The following NCR1 variants were observed in gnomAD, a reference collection of about 807,000 sequenced individuals.
NCR1 encodes natural cytotoxicity triggering receptor 1.
A neutral mutation model predicts 32.5 loss-of-function variants in NCR1; 30 were observed. The observed-to-expected ratio is 0.92, with a 90% confidence interval of 0.69 to 1.25. The LOEUF (loss-of-function observed/expected upper bound fraction) is 1.25. Among genes scored for constraint, NCR1 ranks in the 50% most tolerant of loss-of-function variants. The probability of loss-of-function intolerance (pLI) is 0.00; values close to 1 mark genes in which losing one functional copy is unlikely to be tolerated. For missense variants in NCR1, 369 were observed against 380.7 expected (o/e 0.97, Z 0.26); for synonymous variants, 169 against 143.4 (o/e 1.18, Z -1.28).
chr19:54,927,911 G>A, the NCR1 span: 2 of 770,314 alleles, frequency 2.6e-6, no homozygotes, highest in Non-Finnish European at 4.6e-6. Context: ...TGCCAACACG[G>A]TCAAACCCCA....
intron 6 of NCR1, 136 bp from the exon 7 acceptor site, chr19:54,912,554 G>A (rs1034522316): frequency 1.5e-4 from 105 of 707,102 alleles, no homozygotes; most frequent in Non-Finnish European, 2.2e-4. Context: ...AGCCGAGATC[G>A]TGCCATTGCA....
At chr19:54,929,994 A>T in the NCR1 span, among the ~76,000 whole-genome samples, 1 of 151,430 alleles carries the variant, frequency 6.6e-6, no homozygotes, top group Non-Finnish European at 1.5e-5. Context: ...GGGCATCTGT[A>T]GTCCCAGCTA....
At chr19:54,899,460 C>T in the NCR1 span, among the ~76,000 whole-genome samples, 1 of 151,848 alleles carries the variant, frequency 6.6e-6, no homozygotes, top group Non-Finnish European at 1.5e-5. Flanking sequence ...GGGGTTCTTA[C>T]CTTCCAGAAA....
In NCR1 at chr19:54,909,339, A is replaced by G; in HGVS notation, c.450A>G (p.Thr150=). The change falls in exon 4 of 7, where the codon ACA becomes ACG. Residue 150 remains threonine, a synonymous_variant. Transcript: ENST00000291890. ...VTFYCRLDTA[T]SMFLLLKEGR... is the part of the protein sequence containing the mutation. ...TCTACTGCCGTCTAGACACTGCAAC[A>G]AGCATGTTCTTACTGCTCAAGGAGG... is the stretch of plus-strand genomic sequence containing the variant. 6.2e-7 allele frequency: 1 copy of G among 1,614,126 alleles called. No homozygotes were observed. The highest frequency in any genetic ancestry group is 8.5e-7 in the Non-Finnish European group (1 of 1,180,018).
At chr19:54,924,078 A>G in the NCR1 span, among the ~76,000 whole-genome samples, 8 of 152,194 alleles carry the variant, frequency 5.3e-5, no homozygotes, top group African/African-American at 1.9e-4. Context: ...AGCAATTCTC[A>G]TGCCTCAGGC....
the NCR1 span, among the ~76,000 whole-genome samples, chr19:54,931,902 C>T: frequency 2.0e-5 from 3 of 151,772 alleles, no homozygotes; most frequent in African/African-American, 7.3e-5. Flanking sequence ...CCAGCTCTGC[C>T]TGGGACAACA....
At chr19:54,901,832 G>T (rs1334673068), upstream of NCR1, among the ~76,000 whole-genome samples, 1 of 152,290 alleles carries the variant, frequency 6.6e-6, no homozygotes, top group East Asian at 1.9e-4. Flanking sequence ...GCTGGGCGTG[G>T]TTGTGGGTGC....
At chr19:54,934,749 G>T in the NCR1 span, 2 of 1,101,292 alleles carry the variant, frequency 1.8e-6, no homozygotes, top group Non-Finnish European at 2.6e-6. The surrounding 1 kb of genome is among the most constrained non-coding windows in gnomAD (Gnocchi z 6.7). Flanking sequence ...TCACTCTGTT[G>T]CCCAGTCTGG....
intron 5 of NCR1, 113 bp from the exon 6 acceptor site, chr19:54,912,055 G>A (rs1250474867): frequency 2.2e-6 from 2 of 901,504 alleles, no homozygotes; most frequent in East Asian, 2.4e-5. Context: ...GACCCGCAGG[G>A]TGAGGTGGGA....
At chr19:54,916,338 T>TTTTTTTTTTTTTTTTTTTTTTTG (rs1556721210), downstream of NCR1, among the ~76,000 whole-genome samples, 3 of 132,024 alleles carry the variant, frequency 2.3e-5, no homozygotes, top group Admixed American at 8.1e-5. Context: ...TTTTTTTTTT[T>TTTTTTTTTTTTTTTTTTTTTTTG]GAGACGAAGT....
chr19:54,921,119 A>G (rs763549136), downstream of NCR1, among the ~76,000 whole-genome samples: 1 of 152,172 alleles, frequency 6.6e-6, no homozygotes, highest in Non-Finnish European at 1.5e-5. Context: ...GCCTCTACCT[A>G]CTATCTTTGT....
downstream of NCR1, among the ~76,000 whole-genome samples, chr19:54,920,845 C>T (rs2068231582): frequency 6.6e-6 from 1 of 152,056 alleles, no homozygotes; most frequent in Non-Finnish European, 1.5e-5. Context: ...GTGGCTCACG[C>T]CTGTCATGCC....
intron 5 of NCR1, among the ~76,000 whole-genome samples, chr19:54,911,621 G>T (rs979037675): frequency 1.3e-5 from 2 of 152,012 alleles, no homozygotes; most frequent in Admixed American, 1.3e-4. Context: ...GTGTGGTGGC[G>T]CACGCCAGTA....
chr19:54,911,211 T>A (rs150884783), intron 5 of NCR1, among the ~76,000 whole-genome samples: 45 of 151,090 alleles, frequency 3.0e-4, no homozygotes, highest in African/African-American at 1.1e-3. Flanking sequence ...TATCCGGGCG[T>A]GGTGGCGGGC....
the NCR1 span, among the ~76,000 whole-genome samples, chr19:54,929,986 G>A: frequency 2.0e-5 from 3 of 151,482 alleles, no homozygotes; most frequent in Non-Finnish European, 2.9e-5. Context: ...ACGGTGGCGG[G>A]CATCTGTAGT....
chr19:54,912,240 T>C lies in NCR1; in HGVS notation c.733+22T>C, dbSNP rs777038714. Reference sequence around the variant, plus strand: ...AAAGGTAAGTAGACAGCTGGGGCCATAGGCTCTGAAGGAAGGGGCTGGGCA... The same window carrying C: ...AAAGGTAAGTAGACAGCTGGGGCCACAGGCTCTGAAGGAAGGGGCTGGGCA... On this transcript the variant is annotated intron_variant, in intron 6 of 6. Coordinates refer to ENST00000291890, the MANE Select transcript of NCR1 (RefSeq NM_004829.7). 6 of 1,610,912 alleles carry C rather than the reference T, an allele frequency of 3.7e-6. No homozygotes were observed. In the Admixed American group the frequency reaches 8.3e-5, roughly 22 times the overall value.
downstream of NCR1, among the ~76,000 whole-genome samples, chr19:54,916,702 ATT>A (rs35842513): frequency 2.6e-4 from 13 of 50,466 alleles, no homozygotes; most frequent in Admixed American, 1.8e-3. Context: ...CAACTGTTCT[ATT>A]TTTTTTTTTT....
the NCR1 span, among the ~76,000 whole-genome samples, chr19:54,930,998 G>A: frequency 1.3e-5 from 2 of 152,196 alleles, no homozygotes; most frequent in Admixed American, 6.5e-5. Context: ...ACTCCAGCCC[G>A]GGCGACAGAG....
chr19:54,907,949 T>C (rs1003969699), intron 3 of NCR1, among the ~76,000 whole-genome samples: 3 of 152,108 alleles, frequency 2.0e-5, no homozygotes, highest in Admixed American at 2.0e-4. Flanking sequence ...TGTTTGGAGG[T>C]TCTGGCAGGG....
Sources: allele counts gnomAD v4.1 joint callset (sites outside exome capture counted in the v4.1 genomes callset), GRCh38; gene constraint gnomAD v4.1.1; non-coding constraint Gnocchi (gnomAD v3.1); transcripts MANE v1.5; gene names NCBI Gene and HGNC (gene_info 2026-07-23, HGNC 2026-07-21).